Variants in SLC25A21 observed in about 807,000 individuals in gnomAD.
SLC25A21 encodes mitochondrial 2-oxodicarboxylate carrier.
Under a neutral mutation model 43.8 loss-of-function variants are expected in SLC25A21, and 47 were observed. That is an observed-to-expected ratio of 1.07 (90% CI 0.85 to 1.37). The LOEUF (loss-of-function observed/expected upper bound fraction) is 1.37, where lower values mean the gene tolerates loss of function less well. Among genes scored for constraint, SLC25A21 ranks in the 40% most tolerant of loss-of-function variants. SLC25A21 has a pLI of 0.00. For synonymous variants in SLC25A21, 131 were observed against 121.3 expected (o/e 1.08, Z -0.52); for missense variants, 352 against 350.2 (o/e 1.00, Z -0.04).
intron 1 of SLC25A21, among the ~76,000 whole-genome samples, chr14:36,909,270 A>G (rs1244406425): frequency 2.0e-5 from 3 of 152,186 alleles, no homozygotes; most frequent in Non-Finnish European, 2.9e-5. Flanking sequence ...AGCCTTGCAC[A>G]TACAATGGCC....
In SLC25A21 at chr14:36,895,959, T is replaced by A. The variant is rs969587126; in HGVS notation, c.71-20955A>T. Among the ~76,000 whole-genome samples the A allele has an allele frequency of 2.6e-5, 4 of 152,078 alleles. No homozygotes were observed. In the South Asian group the frequency reaches 6.2e-4, roughly 24 times the overall value. ...TTTGCTGAGGAGAGCTTTACTTCCA[T>A]CTGTGTGGTCAATTTTGGAATAGGT... On this transcript the variant is annotated intron_variant, in intron 1 of 9. Coordinates refer to ENST00000331299, the MANE Select transcript of SLC25A21 (RefSeq NM_030631.4).
At chr14:37,076,370 G>A (rs1330342955) in intron 1 of SLC25A21, among the ~76,000 whole-genome samples, 9 of 151,948 alleles carry the variant, frequency 5.9e-5, no homozygotes, top group African/African-American at 2.4e-5. Context: ...TGGGGGTTTC[G>A]TCATGTTGCC....
chr14:36,943,940 T>C (rs1226248296), intron 1 of SLC25A21, among the ~76,000 whole-genome samples: 1 of 152,124 alleles, frequency 6.6e-6, no homozygotes, highest in Non-Finnish European at 1.5e-5. Flanking sequence ...GTAAAAGATG[T>C]TTATATTAAA....
intron 1 of SLC25A21, among the ~76,000 whole-genome samples, chr14:36,937,140 G>T (rs1318547015): frequency 2.0e-5 from 3 of 152,226 alleles, no homozygotes; most frequent in Admixed American, 6.5e-5. Flanking sequence ...CCCTGAGGCT[G>T]CACTGCAGCA....
intron 1 of SLC25A21, among the ~76,000 whole-genome samples, chr14:37,032,226 G>T (rs1028722290): frequency 6.6e-6 from 1 of 152,042 alleles, no homozygotes; most frequent in Non-Finnish European, 1.5e-5. Context: ...TAAAATAAGT[G>T]CTTAGGCCAT....
intron 2 of SLC25A21, among the ~76,000 whole-genome samples, chr14:36,858,935 G>A (rs952152356): frequency 6.6e-6 from 1 of 152,012 alleles, no homozygotes; most frequent in Non-Finnish European, 1.5e-5. Context: ...ATAAATAATC[G>A]ACTTTGGTTT....
intron 2 of SLC25A21, among the ~76,000 whole-genome samples, chr14:36,854,582 T>C (rs1469341049): frequency 6.6e-6 from 1 of 152,206 alleles, no homozygotes; most frequent in East Asian, 1.9e-4. Context: ...GAACAATGCA[T>C]AGACACAGCA....
In SLC25A21 at chr14:36,683,860, C is replaced by A. The variant is rs749232913; in HGVS notation, c.806G>T (p.Gly269Val). Reference sequence around the variant, plus strand: ...AAGTCTCATAATCTTGGGAAGCAGGCCTTTGTACAAAGCTAAAATCCTGTA... The same window carrying A: ...AAGTCTCATAATCTTGGGAAGCAGGACTTTGTACAAAGCTAAAATCCTGTA... ...QEEGILALYKGLLPKIMRLGP... is the reference protein window; with the variant it reads ...QEEGILALYKVLLPKIMRLGP... Residue 269 changes from glycine to valine, a missense_variant, in exon 9 of 10, where the codon GGC (glycine) becomes GTC (valine). Transcript: ENST00000331299. 17 of 1,605,774 alleles carry A rather than the reference C, an allele frequency of 1.1e-5. No homozygotes were observed. Among genetic ancestry groups the A allele is most frequent in the South Asian group, 2.2e-5 (2 of 89,288 alleles).
chr14:36,861,449 C>G (rs1259780987), intron 2 of SLC25A21, among the ~76,000 whole-genome samples: 1 of 152,190 alleles, frequency 6.6e-6, no homozygotes, highest in African/African-American at 2.4e-5. Flanking sequence ...GTTCAGCTCA[C>G]AGTTAGAGTT....
At position 36,825,081 on chromosome 14, in the gene SLC25A21, T is replaced by C. The variant is rs535376819; in HGVS notation, c.120-11080A>G. Among the ~76,000 whole-genome samples, 5 of 152,320 alleles carry C rather than the reference T, an allele frequency of 3.3e-5. No individual in the cohort carries two copies. The East Asian group carries it at 7.7e-4, about 24-fold the overall frequency. On this transcript the variant is annotated intron_variant, in intron 2 of 9. Coordinates refer to ENST00000331299, the MANE Select transcript of SLC25A21 (RefSeq NM_030631.4). The stretch of plus-strand genomic sequence containing the variant: ...GTGATCTCTTTTAGCCTTCTCTTCA[T>C]AGCTAACTGCATCGATACATTCTGG...
At chr14:36,881,791 T>C (rs773663711) in intron 1 of SLC25A21, among the ~76,000 whole-genome samples, 6 of 152,140 alleles carry the variant, frequency 3.9e-5, no homozygotes, top group Non-Finnish European at 8.8e-5. Flanking sequence ...AGGAACAGTG[T>C]TGCAATGGGC....
intron 3 of SLC25A21, among the ~76,000 whole-genome samples, chr14:36,751,312 A>G (rs1566572505): frequency 1.3e-5 from 2 of 152,276 alleles, no homozygotes; most frequent in South Asian, 4.1e-4. Context: ...CCCTGCTGTA[A>G]AGTAAGCAGG....
In SLC25A21 at chr14:36,678,743, A is replaced by AATT; in HGVS notation, c.*1912_*1914dup. Reference sequence around the variant, plus strand: ...AATCTCTTGTTATTGTGCTATTTATAATTTTTTTCTGGTTCTTGTATTTTA... The same window carrying AATT: ...AATCTCTTGTTATTGTGCTATTTATAATTATTTTTTTCTGGTTCTTGTATTTTA... On this transcript the variant is annotated 3_prime_UTR_variant, in exon 10 of 10. Transcript: ENST00000331299. The AATT allele has an allele frequency of 1.7e-6, 2 of 1,150,666 alleles. No individual in the cohort carries two copies. The highest frequency in any genetic ancestry group is 2.1e-6 in the Non-Finnish European group (2 of 931,086). The allele number at this position is 1,150,666 out of a possible 1,614,324, so 71.3% of individuals were successfully genotyped here.
chr14:37,062,287 T>C (rs1961963890), intron 1 of SLC25A21, among the ~76,000 whole-genome samples: 1 of 152,090 alleles, frequency 6.6e-6, no homozygotes, highest in Non-Finnish European at 1.5e-5. Context: ...CCATGGTACT[T>C]TACCTATTAT....
intron 2 of SLC25A21, among the ~76,000 whole-genome samples, chr14:36,845,174 T>C (rs1177453422): frequency 1.3e-5 from 2 of 152,184 alleles, no homozygotes; most frequent in African/African-American, 2.4e-5. Flanking sequence ...GGGGCACATA[T>C]ATGTAAGGCA....
intron 1 of SLC25A21, among the ~76,000 whole-genome samples, chr14:37,042,371 A>T (rs1305633846): frequency 6.6e-6 from 1 of 152,346 alleles, no homozygotes; most frequent in East Asian, 1.9e-4. Flanking sequence ...TTCTAAGTGG[A>T]GAACCTTGCA....
intron 3 of SLC25A21, among the ~76,000 whole-genome samples, chr14:36,807,749 T>C (rs1240226501): frequency 6.6e-6 from 1 of 152,204 alleles, no homozygotes; most frequent in Non-Finnish European, 1.5e-5. Context: ...GTCCAAATCT[T>C]ACTAAGTTGT....
At chr14:37,091,480 G>A (rs1962585386) in intron 1 of SLC25A21, among the ~76,000 whole-genome samples, 1 of 151,442 alleles carries the variant, frequency 6.6e-6, no homozygotes, top group Admixed American at 6.6e-5. Flanking sequence ...AATGGCTTGG[G>A]GGCCATTTTA....
At chr14:37,105,054 C>G (rs558776649) in intron 1 of SLC25A21, among the ~76,000 whole-genome samples, 1 of 152,256 alleles carries the variant, frequency 6.6e-6, no homozygotes, top group South Asian at 2.1e-4. Context: ...ATGTTTTTAT[C>G]ATCACTGGCA....
Sources: allele counts gnomAD v4.1 joint callset (sites outside exome capture counted in the v4.1 genomes callset), GRCh38; gene constraint gnomAD v4.1.1; transcripts MANE v1.5; gene names NCBI Gene and HGNC (gene_info 2026-07-23, HGNC 2026-07-21).